Variants in HESX1 observed in about 807,000 individuals in gnomAD.
HESX1 encodes the protein homeobox expressed in ES cells 1.
Under a neutral mutation model 22.5 loss-of-function variants are expected in HESX1, and 11 were observed. That is an observed-to-expected ratio of 0.49 (90% confidence interval 0.31 to 0.81). The LOEUF is 0.81. Ranked by LOEUF, HESX1 falls within the 30% of genes least tolerant of loss-of-function variation. The pLI, the probability that HESX1 is intolerant of heterozygous loss-of-function variation, is 0.05. For synonymous variants in HESX1, 74 were observed against 76.5 expected (o/e 0.97, Z 0.17); for missense variants, 201 against 212.6 (o/e 0.95, Z 0.34).
upstream of HESX1, among the ~76,000 whole-genome samples, chr3:57,202,361 G>C (rs975189428): frequency 6.6e-6 from 1 of 150,888 alleles, no homozygotes; most frequent in Non-Finnish European, 1.5e-5. Flanking sequence ...TGTTTGAGAC[G>C]GAATCTCACT....
intron 1 of HESX1, among the ~76,000 whole-genome samples, chr3:57,215,453 T>G (rs1206037779): frequency 6.6e-6 from 1 of 152,108 alleles, no homozygotes; most frequent in African/African-American, 2.4e-5. Context: ...AAGACACCTA[T>G]TTAATAATCT....
chr3:57,215,863 G>A (rs541639591), intron 1 of HESX1, among the ~76,000 whole-genome samples: 1 of 152,274 alleles, frequency 6.6e-6, no homozygotes, highest in East Asian at 1.9e-4. Context: ...GTCTATTCAC[G>A]ATTATAGCTA....
upstream of HESX1, among the ~76,000 whole-genome samples, chr3:57,201,456 G>A (rs759416866): frequency 6.6e-6 from 1 of 151,858 alleles, no homozygotes; most frequent in Non-Finnish European, 1.5e-5. Context: ...TCTCTCCTTT[G>A]AGACATTCAT....
At chr3:57,218,841 A>T in intron 1 of HESX1, among the ~76,000 whole-genome samples, 1 of 152,120 alleles carries the variant, frequency 6.6e-6, no homozygotes, top group East Asian at 1.9e-4. Context: ...GGTTGATTCC[A>T]TGTCTTTGCT....
chr3:57,206,345 T>C (rs775856332), intron 1 of HESX1, among the ~76,000 whole-genome samples: 3 of 152,236 alleles, frequency 2.0e-5, no homozygotes, highest in Non-Finnish European at 2.9e-5. Flanking sequence ...AGAGGTATTA[T>C]TGGCAGCTTT....
At chr3:57,201,931 T>TATC (rs2060491710), upstream of HESX1, among the ~76,000 whole-genome samples, 2 of 141,192 alleles carry the variant, frequency 1.4e-5, no homozygotes, top group South Asian at 4.5e-4. Flanking sequence ...ATCTATCTAT[T>TATC]TTTTTGAGAC....
upstream of HESX1, among the ~76,000 whole-genome samples, chr3:57,226,820 C>G (rs963406327): frequency 6.6e-6 from 1 of 152,126 alleles, no homozygotes; most frequent in African/African-American, 2.4e-5. Context: ...GTTATTTTCT[C>G]TGTATAATGA....
chr3:57,207,794 T>C (rs1317138836), intron 1 of HESX1, among the ~76,000 whole-genome samples: 1 of 152,158 alleles, frequency 6.6e-6, no homozygotes, highest in African/African-American at 2.4e-5. Context: ...ATGGAATTCA[T>C]AAAATAAAAA....
intron 1 of HESX1, among the ~76,000 whole-genome samples, chr3:57,218,108 T>C (rs969868311): frequency 6.6e-6 from 1 of 152,236 alleles, no homozygotes; most frequent in Non-Finnish European, 1.5e-5. Context: ...ATTTATTTTT[T>C]AATTTTCATT....
At chr3:57,199,693 GA>G in intron 1 of HESX1, 68 bp downstream of exon 1, 1 of 1,389,872 alleles carries the variant, frequency 7.2e-7, no homozygotes, top group Admixed American at 1.7e-5. Flanking sequence ...TATGTAGTAT[GA>G]AATAAAGGGC....
At chr3:57,203,729 A>G (rs898277418), upstream of HESX1, among the ~76,000 whole-genome samples, 2 of 151,888 alleles carry the variant, frequency 1.3e-5, no homozygotes, top group Non-Finnish European at 2.9e-5. Flanking sequence ...TAATTTTTGT[A>G]TTTTTAGTAG....
At chr3:57,220,170 C>T (rs1014102021) in intron 1 of HESX1, among the ~76,000 whole-genome samples, 20 of 152,218 alleles carry the variant, frequency 1.3e-4, no homozygotes, top group African/African-American at 3.9e-4. Flanking sequence ...CTTATTTCTG[C>T]GCTCTCTACT....
chr3:57,199,638 A>G (rs2060471761), intron 1 of HESX1, 124 bp downstream of exon 1: 2 of 556,196 alleles, frequency 3.6e-6, no homozygotes, highest in Non-Finnish European at 5.2e-6. Flanking sequence ...AAAAAAAATA[A>G]TAAATAATAA....
At chr3:57,199,700 AG>A in intron 1 of HESX1, 61 bp downstream of exon 1, 1 of 1,455,966 alleles carries the variant, frequency 6.9e-7, no homozygotes, top group Non-Finnish European at 9.6e-7. Context: ...TATGAAATAA[AG>A]GGCAAATTAA....
chr3:57,204,231 C>A (rs925466803), upstream of HESX1, among the ~76,000 whole-genome samples: 1 of 152,080 alleles, frequency 6.6e-6, no homozygotes, highest in Admixed American at 6.6e-5. Context: ...GTTGTCCAGG[C>A]TGATCTTGAA....
At chr3:57,201,506 A>C (rs2060486045), upstream of HESX1, among the ~76,000 whole-genome samples, 1 of 151,830 alleles carries the variant, frequency 6.6e-6, no homozygotes, top group Non-Finnish European at 1.5e-5. Flanking sequence ...TCTCAGAACC[A>C]GAAAAAAACA....
chr3:57,202,041 C>A (rs2060492690), upstream of HESX1, among the ~76,000 whole-genome samples: 1 of 151,950 alleles, frequency 6.6e-6, no homozygotes, highest in Non-Finnish European at 1.5e-5. Flanking sequence ...GCCTCAGCCT[C>A]CTGAGTAGCT....
upstream of HESX1, among the ~76,000 whole-genome samples, chr3:57,204,204 A>G (rs979547789): frequency 1.3e-5 from 2 of 151,994 alleles, no homozygotes; most frequent in Non-Finnish European, 2.9e-5. Flanking sequence ...GTTTTTTTAG[A>G]GATAGGATCT....
intron 1 of HESX1, among the ~76,000 whole-genome samples, chr3:57,207,604 A>G (rs971334618): frequency 2.6e-5 from 4 of 152,232 alleles, no homozygotes; most frequent in African/African-American, 9.6e-5. Flanking sequence ...AAGTTATAGC[A>G]GTCAAGTCTA....
Sources: gnomAD v4.1 joint callset for allele counts (sites outside exome capture counted in the v4.1 genomes callset) on GRCh38, gnomAD v4.1.1 for gene constraint, MANE v1.5 for transcripts, NCBI Gene and HGNC (gene_info 2026-07-23, HGNC 2026-07-21) for gene names.